STX8: variants seen among roughly 807,000 people sequenced by gnomAD.
The protein encoded by STX8 is syntaxin 8, also known as syntaxin-8.
Under a neutral mutation model 37.5 loss-of-function variants are expected in STX8, and 23 were observed. The observed-to-expected ratio is 0.61, with a 90% confidence interval of 0.44 to 0.87. The LOEUF (loss-of-function observed/expected upper bound fraction) is 0.87. Among genes scored for constraint, STX8 ranks in the 40% least tolerant of loss-of-function variants. STX8 has a pLI of 0.00. For synonymous variants in STX8, 115 were observed against 99.1 expected, an observed-to-expected ratio of 1.16 and a Z score of -0.95; for missense variants, 313 against 284.7, an observed-to-expected ratio of 1.10 and a Z score of -0.71.
intron 7 of STX8, among the ~76,000 whole-genome samples, chr17:9,321,676 C>T (rs1319695544): frequency 6.6e-6 from 1 of 151,774 alleles, no homozygotes. Context: ...CACACCACCA[C>T]CCTGGCTAAT....
intron 1 of STX8, chr17:9,569,380 C>G (rs1036272509): frequency 6.5e-6 from 1 of 154,554 alleles, no homozygotes; most frequent in Non-Finnish European, 1.5e-5. Context: ...CAGGTGACAC[C>G]GAGGCAAGGT....
intron 7 of STX8, among the ~76,000 whole-genome samples, chr17:9,294,353 G>C (rs530500716): frequency 6.6e-6 from 1 of 152,354 alleles, no homozygotes; most frequent in South Asian, 2.1e-4. Flanking sequence ...AAAACCCTAT[G>C]GTGGGCCTCA....
intron 5 of STX8, among the ~76,000 whole-genome samples, chr17:9,494,189 G>T (rs1005658436): frequency 2.0e-5 from 3 of 151,406 alleles, no homozygotes; most frequent in Non-Finnish European, 4.4e-5. Flanking sequence ...CTAATTTTTT[G>T]TGTTTTTAAT....
chr17:9,562,246 AC>A (rs1226498774), intron 2 of STX8, among the ~76,000 whole-genome samples: 10 of 151,930 alleles, frequency 6.6e-5, no homozygotes, highest in Admixed American at 6.6e-4. Flanking sequence ...TACTAAAAAT[AC>A]AAAAAAAAAT....
chr17:9,289,181 A>G (rs1271372858), intron 7 of STX8, among the ~76,000 whole-genome samples: 3 of 152,224 alleles, frequency 2.0e-5, no homozygotes, highest in African/African-American at 7.2e-5. Flanking sequence ...TATGCAGTCA[A>G]TCAATCAACA....
chr17:9,433,588 G>A (rs7215522), intron 6 of STX8, among the ~76,000 whole-genome samples: 6,822 of 152,086 alleles, frequency 0.045, 463 homozygotes, highest in African/African-American at 0.15. Flanking sequence ...AACTCATCAT[G>A]TTGTAGGCAT....
intron 4 of STX8, among the ~76,000 whole-genome samples, chr17:9,539,590 A>G (rs958445068): frequency 6.6e-6 from 1 of 152,186 alleles, no homozygotes; most frequent in Non-Finnish European, 1.5e-5. Flanking sequence ...TCTGGCCACC[A>G]TGCTTCTGGA....
chr17:9,505,223 T>G, intron 4 of STX8, 61 bp from the exon 5 acceptor site: 1 of 1,560,678 alleles, frequency 6.4e-7, no homozygotes. Flanking sequence ...TGCAAATTAC[T>G]CCCACAAGTG....
chr17:9,506,480 T>TGTGGGAAAGTGCTGAACTGCA (rs1904842140), intron 4 of STX8, among the ~76,000 whole-genome samples: 1 of 128,306 alleles, frequency 7.8e-6, no homozygotes, highest in South Asian at 2.5e-4. Flanking sequence ...TTGACTTCAG[T>TGTGGGAAAGTGCTGAACTGCA]GTGGGAAAGT....
chr17:9,486,349 T>C (rs1260784972), intron 6 of STX8, among the ~76,000 whole-genome samples: 1 of 152,028 alleles, frequency 6.6e-6, no homozygotes, highest in Non-Finnish European at 1.5e-5. Flanking sequence ...TCCAAAAGGA[T>C]TGGTCAATTT....
intron 5 of STX8, among the ~76,000 whole-genome samples, chr17:9,496,793 G>A (rs564070900): frequency 2.6e-5 from 4 of 152,264 alleles, no homozygotes; most frequent in African/African-American, 9.6e-5. Flanking sequence ...GTCAGAGAGA[G>A]ATAACTTACT....
At position 9,286,011 on chromosome 17, in the gene STX8, C is replaced by T. The variant is rs764513734; in HGVS notation, c.644-35366G>A. ...ACTATATGGAGCGCTTTGGAAACGC[C>T]GAGGGAAATAGCAGACTTGGTAAGG... On this transcript the variant is annotated intron_variant, in intron 7 of 7. Coordinates refer to ENST00000306357, the MANE Select transcript of STX8 (RefSeq NM_004853.3). Among the ~76,000 whole-genome samples, 5 of 151,770 alleles carry T rather than the reference C, an allele frequency of 3.3e-5. No homozygotes were observed. The South Asian group carries it at 8.3e-4, about 25-fold the overall frequency.
intron 7 of STX8, among the ~76,000 whole-genome samples, chr17:9,251,221 T>TA (rs760761061): frequency 6.6e-6 from 1 of 152,218 alleles, no homozygotes; most frequent in Non-Finnish European, 1.5e-5. Context: ...CAGGCCCTCC[T>TA]AGCCAGCCCA....
intron 4 of STX8, among the ~76,000 whole-genome samples, chr17:9,525,513 A>T (rs1905530897): frequency 6.6e-6 from 1 of 151,618 alleles, no homozygotes; most frequent in Non-Finnish European, 1.5e-5. Context: ...CACCCAGCTA[A>T]TTTTTTGTAT....
At chr17:9,536,274 G>C (rs942407389) in intron 4 of STX8, among the ~76,000 whole-genome samples, 1 of 152,230 alleles carries the variant, frequency 6.6e-6, no homozygotes, top group Non-Finnish European at 1.5e-5. Context: ...CTGAGACCAC[G>C]AGAGGAGTCA....
chr17:9,325,312 C>G (rs1909717279), intron 7 of STX8, among the ~76,000 whole-genome samples: 1 of 152,160 alleles, frequency 6.6e-6, no homozygotes, highest in South Asian at 2.1e-4. Flanking sequence ...AATAAACCAA[C>G]CATAGTTTAT....
At chr17:9,505,719 T>C (rs1432318837) in intron 4 of STX8, among the ~76,000 whole-genome samples, 2 of 152,080 alleles carry the variant, frequency 1.3e-5, no homozygotes, top group Non-Finnish European at 2.9e-5. Context: ...GGCGGGCAGA[T>C]CACCTGAAGT....
chr17:9,274,744 C>CTTTTTTTTTTTTTT, intron 7 of STX8, among the ~76,000 whole-genome samples: 1 of 88,884 alleles, frequency 1.1e-5, no homozygotes, highest in Non-Finnish European at 2.3e-5. Context: ...ACAACAATTT[C>CTTTTTTTTTTTTTT]TTTTTTCTTT....
At chr17:9,388,985 G>A (rs16958233) in intron 6 of STX8, among the ~76,000 whole-genome samples, 5,413 of 152,116 alleles carry the variant, frequency 0.036, 201 homozygotes, top group African/African-American at 0.098. Context: ...ATAGCCCATT[G>A]TTGGATACTT....
Sources: allele counts gnomAD v4.1 joint callset (sites outside exome capture counted in the v4.1 genomes callset), GRCh38; gene constraint gnomAD v4.1.1; transcripts MANE v1.5; gene names NCBI Gene and HGNC (gene_info 2026-07-23, HGNC 2026-07-21).